Variants in ATP13A4 observed in about 807,000 individuals in gnomAD.
The protein encoded by ATP13A4 is ATPase 13A4.
Under a neutral mutation model 142.5 loss-of-function variants are expected in ATP13A4, and 114 were observed. That is an observed-to-expected ratio of 0.80 (90% CI 0.69 to 0.93). The LOEUF (loss-of-function observed/expected upper bound fraction) is 0.93, where lower values mean the gene tolerates loss of function less well. Among genes scored for constraint, ATP13A4 ranks in the 40% least tolerant of loss-of-function variants. The pLI, the probability that ATP13A4 is intolerant of heterozygous loss-of-function variation, is 0.00. For synonymous variants in ATP13A4, 488 were observed against 514.8 expected (o/e 0.95, Z 0.70); for missense variants, 1,392 against 1,454.0 (o/e 0.96, Z 0.69).
intron 1 of ATP13A4, among the ~76,000 whole-genome samples, chr3:193,515,272 C>A (rs1721345398): frequency 6.6e-6 from 1 of 152,066 alleles, no homozygotes; most frequent in Non-Finnish European, 1.5e-5. Context: ...GGATGATGTG[C>A]CCAAGGCCGC....
At chr3:193,483,793 C>A (rs9842836) in intron 8 of ATP13A4, 143 bp downstream of exon 8, 265,009 of 673,034 alleles carry the variant, frequency 0.39, 43,285 homozygotes, top group African/African-American at 0.47. Context: ...AAAAAAAAAA[C>A]TTAAGTTCCT....
At chr3:193,408,354 A>G (rs886679261) in intron 28 of ATP13A4, among the ~76,000 whole-genome samples, 1 of 152,258 alleles carries the variant, frequency 6.6e-6, no homozygotes, top group African/African-American at 2.4e-5. Flanking sequence ...ATGTCTATCA[A>G]TATGGGACTA....
chr3:193,445,426 ACT>A (rs1483299489), intron 18 of ATP13A4, among the ~76,000 whole-genome samples: 1 of 148,894 alleles, frequency 6.7e-6, no homozygotes, highest in Non-Finnish European at 1.5e-5. Flanking sequence ...AGACAGTGAG[ACT>A]CTGTCTCAAA....
chr3:193,554,224 T>C (rs1723759931), intron 1 of ATP13A4: 1 of 169,984 alleles, frequency 5.9e-6, no homozygotes, highest in East Asian at 1.6e-4. Flanking sequence ...AACAGAAATG[T>C]GTGTAGGCTG....
rs752627908 is a variant in ATP13A4, at chr3:193,435,737, G to A, written c.2680C>T (p.Arg894Cys). ...ECVPHLIKEG[R>C]AALVTSFCMF... ...CAAAAGGAGGTAACGAGAGCTGCAC[G>A]TCCTTCCCTGTGTAAGAAAAGAAAT... The change falls in exon 24 of 30, where the codon CGT becomes TGT. Residue 894 changes from arginine to cysteine, a missense_variant. Arg to Cys is a radical substitution (Grantham distance 180). Coordinates refer to ENST00000342695, the MANE Select transcript of ATP13A4 (RefSeq NM_032279.4). 1.1e-5 allele frequency: 17 copies of A among 1,612,606 alleles called. No homozygotes were observed. Among genetic ancestry groups the A allele is most frequent in the East Asian group, 2.2e-5 (1 of 44,864 alleles).
In ATP13A4 at chr3:193,571,278, C is replaced by CAAAA. The variant is rs57432082; in HGVS notation, n.291+10425_291+10428dup. Among the ~76,000 whole-genome samples the CAAAA allele has an allele frequency of 2.1e-5, 2 of 95,722 alleles. 1 individual carries two copies. The highest frequency in any genetic ancestry group is 1.0e-4 in the African/African-American group (2 of 19,946). The allele number at this position is 95,722 out of a possible 152,430, so 62.8% of individuals were successfully genotyped here. On this transcript the variant is annotated intron_variant and non_coding_transcript_variant, in intron 2 of 3. Transcript: ENST00000489140. ...TGGGTGACAAAGCAAGACCTTGTCT[C>CAAAA]AAAAAAAAAAAAAGAAATATCCATG...
intron 1 of ATP13A4, among the ~76,000 whole-genome samples, chr3:193,592,060 G>C (rs1724818374): frequency 6.8e-6 from 1 of 146,930 alleles, no homozygotes; most frequent in Non-Finnish European, 1.5e-5. Context: ...GAGTGCATGG[G>C]TCCAGACTTA....
chr3:193,530,134 A>AATGGTAG (rs1560261142), intron 1 of ATP13A4, among the ~76,000 whole-genome samples: 2 of 152,070 alleles, frequency 1.3e-5, no homozygotes, highest in Admixed American at 1.3e-4. Flanking sequence ...ATGTCCTATA[A>AATGGTAG]CTACTCACCA....
chr3:193,412,139 G>T (rs750395860), intron 27 of ATP13A4, 39 bp downstream of exon 27: 1 of 1,539,098 alleles, frequency 6.5e-7, no homozygotes, highest in Admixed American at 1.7e-5. Context: ...TCCCCTCTCT[G>T]ATGACTTCTC....
chr3:193,542,344 C>A (rs892385594), intron 1 of ATP13A4, among the ~76,000 whole-genome samples: 7 of 152,136 alleles, frequency 4.6e-5, no homozygotes, highest in African/African-American at 1.7e-4. Context: ...AATGGAAAAA[C>A]ATTCCATGCT....
intron 13 of ATP13A4, among the ~76,000 whole-genome samples, chr3:193,462,047 C>A (rs1717979865): frequency 6.6e-6 from 1 of 152,008 alleles, no homozygotes; most frequent in Non-Finnish European, 1.5e-5. Context: ...CATGGTGAAA[C>A]CCCGTCCCTA....
At chr3:193,483,622 G>A (rs13097281) in intron 8 of ATP13A4, among the ~76,000 whole-genome samples, 2,657 of 151,914 alleles carry the variant, frequency 0.017, 34 homozygotes, top group Middle Eastern at 0.062. Context: ...TCGCCACCAC[G>A]CCCGGCTAAT....
In ATP13A4 at chr3:193,573,292, C is replaced by CTTATATATATATGT. The variant is rs1553862256; in HGVS notation, n.291+8414_291+8415insACATATATATATAA. Among the ~76,000 whole-genome samples, 24 of 107,854 alleles carry CTTATATATATATGT rather than the reference C, an allele frequency of 2.2e-4. 1 individual carries two copies. Among genetic ancestry groups the CTTATATATATATGT allele is most frequent in the African/African-American group, 1.1e-3 (23 of 21,740 alleles). The allele number at this position is 107,854 out of a possible 152,430, so 70.8% of individuals were successfully genotyped here. A position where few individuals can be genotyped will look rare whatever the true frequency, so the allele number is the denominator to read the frequency against. On this transcript the variant is annotated intron_variant and non_coding_transcript_variant, in intron 2 of 3. Coordinates refer to the ATP13A4 transcript ENST00000489140. The stretch of plus-strand genomic sequence containing the variant: ...ATATATATACATATATATATATACA[C>CTTATATATATATGT]ATATATATATATATACATATATATA...
intron 12 of ATP13A4, among the ~76,000 whole-genome samples, 173 bp from the exon 13 acceptor site, chr3:193,462,996 A>C (rs932901327): frequency 1.3e-5 from 2 of 152,070 alleles, no homozygotes; most frequent in African/African-American, 4.8e-5. Flanking sequence ...AAAAAAAAAA[A>C]ATCCAGTGGC....
At chr3:193,560,524 A>C (rs1723991771) in intron 2 of ATP13A4, among the ~76,000 whole-genome samples, 1 of 152,190 alleles carries the variant, frequency 6.6e-6, no homozygotes, top group Non-Finnish European at 1.5e-5. Flanking sequence ...CACTTTTTGT[A>C]AAGGGATTAG....
At chr3:193,512,932 G>A (rs949414781) in intron 2 of ATP13A4, among the ~76,000 whole-genome samples, 1 of 152,186 alleles carries the variant, frequency 6.6e-6, no homozygotes, top group Non-Finnish European at 1.5e-5. Context: ...AGGATGACAC[G>A]AGGCATCAAC....
chr3:193,534,094 A>G (rs1397138455), intron 1 of ATP13A4, among the ~76,000 whole-genome samples: 1 of 152,194 alleles, frequency 6.6e-6, no homozygotes, highest in African/African-American at 2.4e-5. Flanking sequence ...TGGAAAACCA[A>G]TGGAAAGTTT....
At chr3:193,571,221 G>T (rs1303417297) in intron 2 of ATP13A4, among the ~76,000 whole-genome samples, 2 of 146,072 alleles carry the variant, frequency 1.4e-5, no homozygotes, top group African/African-American at 5.2e-5. Flanking sequence ...GAGGTTGCCA[G>T]TGAGCCGAGA....
intron 1 of ATP13A4, among the ~76,000 whole-genome samples, chr3:193,541,590 CTTTG>C (rs372398164): frequency 2.0e-5 from 3 of 152,020 alleles, no homozygotes; most frequent in Non-Finnish European, 2.9e-5. Context: ...CTGTTTCTTT[CTTTG>C]TTTGTTTGTT....
Sources: allele counts gnomAD v4.1 joint callset (sites outside exome capture counted in the v4.1 genomes callset), GRCh38; gene constraint gnomAD v4.1.1; transcripts MANE v1.5; gene names NCBI Gene and HGNC (gene_info 2026-07-23, HGNC 2026-07-21).